The following PTPN11 variants were observed in gnomAD, a reference collection of about 807,000 sequenced individuals.
The protein encoded by PTPN11 is protein tyrosine phosphatase non-receptor type 11.
Under a neutral mutation model 78.8 loss-of-function variants are expected in PTPN11, and 6 were observed. The ratio of observed to expected loss-of-function variants is 0.08; its 90% CI spans 0.04 to 0.15. The LOEUF is 0.15. PTPN11 is among the 10% of genes least tolerant of loss of function. The probability of loss-of-function intolerance (pLI) is 1.00; values close to 1 mark genes in which losing one functional copy is unlikely to be tolerated. For missense variants in PTPN11, 386 were observed against 744.8 expected (o/e 0.52, Z 5.61); for synonymous variants, 221 against 263.5 (o/e 0.84, Z 1.56).
intron 1 of PTPN11, among the ~76,000 whole-genome samples, chr12:112,430,451 CAG>C (rs1159069807): frequency 2.0e-5 from 3 of 152,060 alleles, no homozygotes; most frequent in Non-Finnish European, 4.4e-5. Context: ...TATCTTGAGA[CAG>C]AGTCTTGGTC....
intron 6 of PTPN11, among the ~76,000 whole-genome samples, chr12:112,466,067 T>C (rs764682462): frequency 6.6e-6 from 1 of 152,178 alleles, no homozygotes; most frequent in Non-Finnish European, 1.5e-5. Context: ...TTTATCTTTA[T>C]AGAGTGTACA....
At chr12:112,437,244 G>A (rs2037807500) in intron 1 of PTPN11, among the ~76,000 whole-genome samples, 1 of 151,988 alleles carries the variant, frequency 6.6e-6, no homozygotes, top group Admixed American at 6.6e-5. Flanking sequence ...TCTGCCTCCC[G>A]CCTCCCGGGT....
intron 6 of PTPN11, among the ~76,000 whole-genome samples, chr12:112,466,098 A>C (rs1036453014): frequency 6.6e-6 from 1 of 152,230 alleles, no homozygotes; most frequent in Non-Finnish European, 1.5e-5. Context: ...AGAGACAGGC[A>C]GTAAACAAAG....
At chr12:112,436,671 G>A (rs1735007507) in intron 1 of PTPN11, among the ~76,000 whole-genome samples, 1 of 151,534 alleles carries the variant, frequency 6.6e-6, no homozygotes. Flanking sequence ...GTTTTTCTGA[G>A]CCTTGGCATT....
At chr12:112,503,368 T>C (rs573226247) in intron 14 of PTPN11, among the ~76,000 whole-genome samples, 63 of 152,358 alleles carry the variant, frequency 4.1e-4, no homozygotes, top group African/African-American at 1.4e-3. Context: ...CTTTTATTTT[T>C]CCCTAAGAAT....
intron 6 of PTPN11, among the ~76,000 whole-genome samples, chr12:112,468,884 T>G (rs2038369757): frequency 6.6e-6 from 1 of 152,058 alleles, no homozygotes; most frequent in African/African-American, 2.4e-5. Flanking sequence ...GGCAACATAG[T>G]GAGACCCTGT....
At chr12:112,486,832 C>T in intron 11 of PTPN11, 1 of 1,441,556 alleles carries the variant, frequency 6.9e-7, no homozygotes, top group Admixed American at 2.7e-5. Flanking sequence ...TTGGCCATGG[C>T]CATGGCAACA....
At chr12:112,447,445 T>C (rs903205673) in intron 2 of PTPN11, among the ~76,000 whole-genome samples, 3 of 152,214 alleles carry the variant, frequency 2.0e-5, no homozygotes, top group Non-Finnish European at 4.4e-5. Flanking sequence ...TTATAATGTA[T>C]GTATCATTTT....
intron 1 of PTPN11, among the ~76,000 whole-genome samples, chr12:112,432,275 T>G (rs2037724880): frequency 6.6e-6 from 1 of 152,170 alleles, no homozygotes; most frequent in African/African-American, 2.4e-5. Flanking sequence ...GAGGGTGGTT[T>G]GACAATATTT....
intron 11 of PTPN11, among the ~76,000 whole-genome samples, chr12:112,487,375 C>T (rs928558267): frequency 3.3e-5 from 5 of 152,130 alleles, no homozygotes; most frequent in African/African-American, 1.2e-4. Flanking sequence ...CTCAGGTGAT[C>T]CACCTGCCTT....
chr12:112,424,848 C>T (rs1357216206), intron 1 of PTPN11, among the ~76,000 whole-genome samples: 5 of 151,380 alleles, frequency 3.3e-5, no homozygotes, highest in African/African-American at 4.9e-5. Flanking sequence ...TGCAGGCACA[C>T]GCCACCATGT....
At chr12:112,459,203 G>A (rs2038209851) in intron 6 of PTPN11, among the ~76,000 whole-genome samples, 1 of 152,260 alleles carries the variant, frequency 6.6e-6, no homozygotes, top group East Asian at 1.9e-4. Context: ...CATGAGGTAA[G>A]ATGGGAAGAT....
At chr12:112,428,375 G>T (rs2037655916) in intron 1 of PTPN11, among the ~76,000 whole-genome samples, 1 of 150,172 alleles carries the variant, frequency 6.7e-6, no homozygotes, top group Non-Finnish European at 1.5e-5. Context: ...TGTGAGATGG[G>T]GAGTTCAAGC....
chr12:112,449,493 T>C (rs964140145), intron 2 of PTPN11, among the ~76,000 whole-genome samples: 46 of 150,824 alleles, frequency 3.0e-4, no homozygotes, highest in African/African-American at 1.1e-3. Context: ...GGTGATGGAG[T>C]GAGACTCTGT....
intron 1 of PTPN11, 54 bp from the exon 2 acceptor site, chr12:112,446,222 G>A: frequency 6.2e-7 from 1 of 1,607,668 alleles, no homozygotes; most frequent in Non-Finnish European, 8.5e-7. Context: ...GTTGTGGAAA[G>A]TAGTGCTGAC....
intron 13 of PTPN11, among the ~76,000 whole-genome samples, chr12:112,500,049 G>A (rs2038857509): frequency 6.6e-6 from 1 of 151,674 alleles, no homozygotes. Context: ...TTTGAGACCA[G>A]GCTGGCCAAC....
intron 1 of PTPN11, among the ~76,000 whole-genome samples, chr12:112,445,935 C>G (rs1048715937): frequency 1.1e-4 from 16 of 152,088 alleles, no homozygotes; most frequent in African/African-American, 3.4e-4. Flanking sequence ...CCACCGTGCC[C>G]TGCCTCTAGT....
At chr12:112,476,937 C>G (rs763923569) in intron 7 of PTPN11, among the ~76,000 whole-genome samples, 111 of 152,276 alleles carry the variant, frequency 7.3e-4, no homozygotes, top group Middle Eastern at 3.4e-3. Flanking sequence ...TGATCCACAT[C>G]TCCTCTCTCC....
chr12:112,419,523 C>A (rs1041143051), intron 1 of PTPN11, among the ~76,000 whole-genome samples: 1 of 152,148 alleles, frequency 6.6e-6, no homozygotes, highest in Non-Finnish European at 1.5e-5. Context: ...CCTTGGGACA[C>A]GAGAGGGGAG....
Sources: gnomAD v4.1 joint callset for allele counts (sites outside exome capture counted in the v4.1 genomes callset) on GRCh38, gnomAD v4.1.1 for gene constraint, MANE v1.5 for transcripts, NCBI Gene and HGNC (gene_info 2026-07-23, HGNC 2026-07-21) for gene names.